ARMC9: variants seen among roughly 807,000 people sequenced by gnomAD.
ARMC9 encodes the protein armadillo repeat containing 9.
In ARMC9, 94 loss-of-function variants were observed where a neutral mutation model predicts 107.0. The ratio of observed to expected loss-of-function variants is 0.88; its 90% CI spans 0.74 to 1.04. ARMC9 has a LOEUF of 1.04. ARMC9 is among the 50% of genes least tolerant of loss of function. The probability of loss-of-function intolerance (pLI) is 0.00; values close to 1 mark genes in which losing one functional copy is unlikely to be tolerated. For missense variants in ARMC9, 942 were observed against 1,030.1 expected, an observed-to-expected ratio of 0.91 and a Z score of 1.17; for synonymous variants, 380 against 396.9, an observed-to-expected ratio of 0.96 and a Z score of 0.51.
chr2:231,202,644 T>A (rs2031250951), intron 1 of ARMC9, among the ~76,000 whole-genome samples: 1 of 152,138 alleles, frequency 6.6e-6, no homozygotes, highest in Non-Finnish European at 1.5e-5. Flanking sequence ...AATCACTAAA[T>A]CTGTGTCTTT....
At position 231,199,888 on chromosome 2, in the gene ARMC9, G is replaced by A. The variant is rs192446403; in HGVS notation, c.-42+1190G>A. 6.4e-3 allele frequency among the ~76,000 whole-genome samples: 966 copies of A among 152,062 alleles called. 15 individuals carry two copies. Among genetic ancestry groups the A allele is most frequent in the Middle Eastern group, 0.034 (10 of 294 alleles). ...AATTTTTGTATTTTTAGTAGAGATG[G>A]GGTTCCACCATGTTGATCAGGCTGG... On this transcript the variant is annotated intron_variant, in intron 1 of 24. Transcript: ENST00000611582.
intron 18 of ARMC9, among the ~76,000 whole-genome samples, chr2:231,292,336 C>T (rs1395556836): frequency 1.3e-5 from 2 of 152,170 alleles, no homozygotes; most frequent in Non-Finnish European, 2.9e-5. Context: ...CTCCCTTTCC[C>T]CTCCTAAATC....
chr2:231,299,455 C>A (rs2041588769), intron 19 of ARMC9, among the ~76,000 whole-genome samples: 1 of 152,036 alleles, frequency 6.6e-6, no homozygotes, highest in Admixed American at 6.6e-5. Flanking sequence ...TGAGGCTCCT[C>A]AAGAGAGAGA....
At chr2:231,225,763 T>C (rs1228828935) in intron 6 of ARMC9, among the ~76,000 whole-genome samples, 1 of 152,186 alleles carries the variant, frequency 6.6e-6, no homozygotes, top group Non-Finnish European at 1.5e-5. Context: ...AGGGTTTCTT[T>C]TGGAGGATGA....
chr2:231,370,173 AC>A lies in ARMC9; in HGVS notation c.2434+50del, dbSNP rs1441488746. 1.8e-5 allele frequency: 26 copies of A among 1,463,408 alleles called. No individual in the cohort carries two copies. In the African/African-American group the frequency reaches 2.6e-4, roughly 14 times the overall value. 90.7% of individuals were successfully genotyped at this position (1,463,408 alleles called of 1,614,324 possible). ...GGCGTGGGAGCCTGGCCACCCGCCA[AC>A]CTGCAGGGAAGGGCATTTTGCTGCT... On this transcript the variant is annotated intron_variant, in intron 24 of 24. Coordinates refer to ENST00000611582, the MANE Select transcript of ARMC9 (RefSeq NM_001352754.2).
intron 19 of ARMC9, among the ~76,000 whole-genome samples, chr2:231,305,900 C>G (rs555479189): frequency 1.3e-5 from 2 of 152,264 alleles, no homozygotes; most frequent in African/African-American, 4.8e-5. Context: ...AAACTCATCA[C>G]TCATCAATAT....
At chr2:231,242,911 G>A in intron 9 of ARMC9, among the ~76,000 whole-genome samples, 1 of 152,064 alleles carries the variant, frequency 6.6e-6, no homozygotes, top group East Asian at 1.9e-4. Context: ...AGGAGTTCGA[G>A]GCCAGTCTGG....
chr2:231,235,414 T>C (rs763809680), intron 8 of ARMC9, 33 bp downstream of exon 8: 3 of 1,611,918 alleles, frequency 1.9e-6, no homozygotes, highest in Non-Finnish European at 1.7e-6. Flanking sequence ...TGTATGTCTG[T>C]TTGGCAATGA....
Position 231,230,043 on chromosome 2 carries a change from TATA to T in ARMC9, c.622+3250_622+3252del, listed in dbSNP as rs2035058524. Among the ~76,000 whole-genome samples the T allele has an allele frequency of 2.0e-5, 3 of 152,028 alleles. No individual in the cohort carries two copies. In the South Asian group the frequency reaches 6.2e-4, roughly 31 times the overall value. ...GGTTTTATTAAAATAACATGGAGGT[TATA>T]ATAAGACATCTCCATTAAAAGTTGA... On this transcript the variant is annotated intron_variant, in intron 7 of 24. Transcript: ENST00000611582.
At chr2:231,211,457 GGGA>G (rs1331297571) in intron 3 of ARMC9, among the ~76,000 whole-genome samples, 2 of 151,948 alleles carry the variant, frequency 1.3e-5, no homozygotes, top group African/African-American at 4.8e-5. Flanking sequence ...ACTTGAACCT[GGGA>G]GGCAGAGGTT....
At chr2:231,235,750 C>G (rs56869159) in intron 8 of ARMC9, among the ~76,000 whole-genome samples, 17,950 of 152,116 alleles carry the variant, frequency 0.12, 2,069 homozygotes, top group African/African-American at 0.29. Flanking sequence ...TCAAGTGATT[C>G]TCCTGCCTCA....
At chr2:231,337,288 A>AT (rs1364070944) in intron 20 of ARMC9, among the ~76,000 whole-genome samples, 2,525 of 51,832 alleles carry the variant, frequency 0.049, 80 homozygotes, top group African/African-American at 0.089. Context: ...ATATATATAT[A>AT]TATTTTTTTT....
At chr2:231,230,576 C>T (rs1195631665) in intron 7 of ARMC9, among the ~76,000 whole-genome samples, 2 of 152,150 alleles carry the variant, frequency 1.3e-5, no homozygotes, top group Non-Finnish European at 2.9e-5. Context: ...GGGTAGCAGC[C>T]TCTCCTCCTA....
intron 14 of ARMC9, among the ~76,000 whole-genome samples, chr2:231,275,907 C>T (rs910916779): frequency 2.6e-5 from 4 of 152,104 alleles, no homozygotes; most frequent in East Asian, 3.9e-4. Context: ...GAGCCGAGAT[C>T]GTGCCATTGC....
intron 17 of ARMC9, among the ~76,000 whole-genome samples, chr2:231,283,697 C>T (rs779310223): frequency 4.6e-5 from 7 of 152,040 alleles, no homozygotes; most frequent in African/African-American, 1.4e-4. Context: ...CCCAAAGCGC[C>T]GAGATTACAG....
At position 231,208,165 on chromosome 2, in the gene ARMC9, A is replaced by G. The variant is rs1324551825; in HGVS notation, c.90A>G (p.Thr30=). The G allele has an allele frequency of 6.9e-6, 11 of 1,601,688 alleles. No homozygotes were observed. The highest frequency in any genetic ancestry group is 1.3e-5 in the African/African-American group (1 of 74,538). The change falls in exon 3 of 25, where the codon ACA becomes ACG. Residue 30 remains threonine (T), a synonymous_variant. Coordinates refer to ENST00000611582, the MANE Select transcript of ARMC9 (RefSeq NM_001352754.2). The part of the protein sequence containing the change: ...DFAEFEDTLK[T]FSKECKIKGK... ...CTGAATTTGAAGACACCTTGAAAAC[A>G]TTTTCAAAAGAATGCAAAATAAAAG...
chr2:231,208,122 T>C lies in ARMC9; in HGVS notation c.52-5T>C. 4 of 1,217,238 alleles carry C rather than the reference T, an allele frequency of 3.3e-6. No homozygotes were observed. In the East Asian group the frequency reaches 9.8e-5, roughly 30 times the overall value. 75.4% of individuals were successfully genotyped at this position (1,217,238 alleles called of 1,614,324 possible). ...CTGTTGAATTGAATTATTTATTTTT[T>C]ATAGTATTTAGATTTTGCTGAATTT... is the stretch of plus-strand genomic sequence containing the variant. On this transcript the variant is annotated splice_region_variant and splice_polypyrimidine_tract_variant and intron_variant, in intron 2 of 24. Transcript: ENST00000611582.
intron 5 of ARMC9, among the ~76,000 whole-genome samples, chr2:231,219,392 A>G (rs1002467041): frequency 6.6e-6 from 1 of 152,072 alleles, no homozygotes; most frequent in Non-Finnish European, 1.5e-5. Context: ...CAGTGTCTTT[A>G]TTGCTTTCTC....
chr2:231,326,040 T>C (rs980482385), intron 19 of ARMC9, among the ~76,000 whole-genome samples: 1 of 152,208 alleles, frequency 6.6e-6, no homozygotes, highest in African/African-American at 2.4e-5. Flanking sequence ...GATGCCACTA[T>C]AGCCCTCCCT....
Sources: gnomAD v4.1 joint callset for allele counts (sites outside exome capture counted in the v4.1 genomes callset) on GRCh38, gnomAD v4.1.1 for gene constraint, MANE v1.5 for transcripts, NCBI Gene and HGNC (gene_info 2026-07-23, HGNC 2026-07-21) for gene names.